Variants in EZH2 observed in about 807,000 individuals in gnomAD.
EZH2 encodes enhancer of zeste 2 polycomb repressive complex 2 subunit, also known as histone-lysine N-methyltransferase EZH2.
Under a neutral mutation model 98.4 loss-of-function variants are expected in EZH2, and 18 were observed. That is an observed-to-expected ratio of 0.18 (90% confidence interval 0.13 to 0.27). EZH2 has a LOEUF of 0.27. Ranked by LOEUF, EZH2 falls within the 10% of genes least tolerant of loss-of-function variation. The pLI is 1.00. For missense variants in EZH2, 470 were observed against 935.1 expected, an observed-to-expected ratio of 0.50 and a Z score of 6.49; for synonymous variants, 338 against 312.3, an observed-to-expected ratio of 1.08 and a Z score of -0.87.
At chr7:148,845,727 G>T (rs1264791607) in intron 3 of EZH2, among the ~76,000 whole-genome samples, 1 of 152,144 alleles carries the variant, frequency 6.6e-6, no homozygotes, top group East Asian at 1.9e-4. Context: ...CTACTACATA[G>T]TGCAATTTTA....
chr7:148,851,092 A>G (rs1585189940), intron 1 of EZH2, among the ~76,000 whole-genome samples: 1 of 152,150 alleles, frequency 6.6e-6, no homozygotes, highest in Non-Finnish European at 1.5e-5. Flanking sequence ...ATTAACCCAC[A>G]TGAATAACGA....
chr7:148,856,392 T>G (rs1352158182), intron 1 of EZH2, among the ~76,000 whole-genome samples: 1 of 152,234 alleles, frequency 6.6e-6, no homozygotes, highest in African/African-American at 2.4e-5. Context: ...CACGTGTATT[T>G]TAAAATATAT....
At chr7:148,834,352 T>TATATATATACACACAC (rs1321608007) in intron 3 of EZH2, among the ~76,000 whole-genome samples, 12 of 143,316 alleles carry the variant, frequency 8.4e-5, no homozygotes, top group African/African-American at 3.1e-4. Flanking sequence ...TATATATATA[T>TATATATATACACACAC]ACACACACAC....
chr7:148,810,206 C>A (rs143808608), intron 17 of EZH2, 127 bp downstream of exon 17: 4 of 581,854 alleles, frequency 6.9e-6, no homozygotes, highest in South Asian at 5.3e-5. Flanking sequence ...AGCAGCCCCC[C>A]ATGCCTCTAA....
In EZH2 at chr7:148,848,347, G is replaced by C. The variant is rs1189080155; in HGVS notation, c.-7-1042C>G. Among the ~76,000 whole-genome samples the C allele has an allele frequency of 2.6e-5, 4 of 152,308 alleles. No individual in the cohort carries two copies. The East Asian group carries it at 7.7e-4, about 29-fold the overall frequency. Reference sequence around the variant, plus strand: ...CTTCTACACCACACTGGCGATGACAGGGAAAAGTACGTGAATTCAAGAGTT... The same window carrying C: ...CTTCTACACCACACTGGCGATGACACGGAAAAGTACGTGAATTCAAGAGTT... On this transcript the variant is annotated intron_variant, in intron 1 of 19. Coordinates refer to ENST00000320356, the MANE Select transcript of EZH2 (RefSeq NM_004456.5).
At chr7:148,878,944 G>C (rs980750046) in intron 1 of EZH2, among the ~76,000 whole-genome samples, 4 of 151,854 alleles carry the variant, frequency 2.6e-5, no homozygotes, top group Non-Finnish European at 5.9e-5. Context: ...ATCCAGGCCA[G>C]GCGTGCGCAG....
At chr7:148,814,735 GC>G (rs1804091784) in intron 14 of EZH2, among the ~76,000 whole-genome samples, 178 bp downstream of exon 14, 2 of 152,230 alleles carry the variant, frequency 1.3e-5, no homozygotes, top group African/African-American at 4.8e-5. Context: ...CAACACCCAG[GC>G]GACTGACTGG....
chr7:148,826,400 T>C (rs1270317569), intron 8 of EZH2, 54 bp downstream of exon 8: 30 of 1,401,390 alleles, frequency 2.1e-5, no homozygotes, highest in Non-Finnish European at 3.8e-6. Flanking sequence ...GATAGCACTC[T>C]CCAAGCTGCT....
intron 8 of EZH2, among the ~76,000 whole-genome samples, chr7:148,823,707 G>A (rs1235447053): frequency 6.6e-6 from 1 of 150,796 alleles, no homozygotes; most frequent in Non-Finnish European, 1.5e-5. Flanking sequence ...CTGGAGTACA[G>A]TGGCATGATC....
At chr7:148,815,163 G>C in intron 13 of EZH2, 124 bp from the exon 14 acceptor site, 1 of 1,217,526 alleles carries the variant, frequency 8.2e-7, no homozygotes, top group Admixed American at 2.7e-5. Flanking sequence ...TTTACTGAAT[G>C]CATAACATTA....
chr7:148,807,398 T>A lies in EZH2; in HGVS notation c.*248A>T, dbSNP rs1801756011. On this transcript the variant is annotated 3_prime_UTR_variant, in exon 20 of 20. Transcript: ENST00000320356. The stretch of plus-strand genomic sequence containing the variant: ...ATTCAACAAGGACAAGTTCAAGTAT[T>A]CTTTATTCAAAGTTGAAAAATGTAC... The A allele has an allele frequency of 2.0e-6, 1 of 494,266 alleles. No individual in the cohort carries two copies. Among genetic ancestry groups the A allele is most frequent in the African/African-American group, 1.9e-5 (1 of 51,888 alleles). 30.6% of individuals were successfully genotyped at this position (494,266 alleles called of 1,614,324 possible).
At chr7:148,868,406 G>A (rs577679659) in intron 1 of EZH2, among the ~76,000 whole-genome samples, 7 of 152,360 alleles carry the variant, frequency 4.6e-5, no homozygotes, top group Non-Finnish European at 8.8e-5. Context: ...AGGGGGAAGA[G>A]AGAGCAAAGT....
chr7:148,808,938 T>C, intron 19 of EZH2, 133 bp downstream of exon 19: 1 of 659,736 alleles, frequency 1.5e-6, no homozygotes, highest in Non-Finnish European at 2.7e-6. Context: ...AAGTGTAACC[T>C]AATTCCCCAC....
At chr7:148,872,537 T>C (rs1483873486) in intron 1 of EZH2, among the ~76,000 whole-genome samples, 2 of 152,224 alleles carry the variant, frequency 1.3e-5, no homozygotes, top group East Asian at 3.8e-4. Context: ...AAACTACATG[T>C]ATATTAGGTA....
chr7:148,870,986 C>T (rs902050306), intron 1 of EZH2, among the ~76,000 whole-genome samples: 3 of 150,986 alleles, frequency 2.0e-5, no homozygotes, highest in Admixed American at 1.3e-4. Context: ...GTCATAAGGA[C>T]AAATTCTCCT....
In EZH2 at chr7:148,884,200, GT is replaced by G. The variant is rs1352442515; in HGVS notation, c.-45del. ...GCGCCGACTCGCGTTGTTCCCGCGC[GT>G]CGCCCCCGCGCGCCGCCGCCGCCGC... On this transcript the variant is annotated 5_prime_UTR_variant, in exon 1 of 20. Transcript: ENST00000320356. 5.9e-6 allele frequency: 1 copy of G among 168,862 alleles called. No individual in the cohort carries two copies. The highest frequency in any genetic ancestry group is 2.4e-5 in the African/African-American group (1 of 41,694). 10.5% of individuals were successfully genotyped at this position (168,862 alleles called of 1,614,324 possible). A position where few individuals can be genotyped will look rare whatever the true frequency, so the allele number is the denominator to read the frequency against.
intron 19 of EZH2, among the ~76,000 whole-genome samples, chr7:148,808,584 T>G (rs1387172001): frequency 6.6e-6 from 1 of 152,184 alleles, no homozygotes; most frequent in Non-Finnish European, 1.5e-5. Flanking sequence ...CACAGGGTGA[T>G]CAGACAGCGA....
intron 3 of EZH2, among the ~76,000 whole-genome samples, chr7:148,840,097 G>A (rs1812050295): frequency 6.6e-6 from 1 of 152,178 alleles, no homozygotes; most frequent in Admixed American, 6.5e-5. Flanking sequence ...AACAGCTGGT[G>A]GGGGTGTAAT....
intron 13 of EZH2, 103 bp from the exon 14 acceptor site, chr7:148,815,142 G>T: frequency 1.4e-6 from 2 of 1,413,686 alleles, no homozygotes; most frequent in African/African-American, 1.4e-5. Flanking sequence ...GTGGAGTGTA[G>T]CTGGCCTGCC....
Sources: allele counts gnomAD v4.1 joint callset (sites outside exome capture counted in the v4.1 genomes callset), GRCh38; gene constraint gnomAD v4.1.1; transcripts MANE v1.5; gene names NCBI Gene and HGNC (gene_info 2026-07-23, HGNC 2026-07-21).